Variants in ARHGAP26 observed in about 807,000 individuals in gnomAD.
The protein encoded by ARHGAP26 is rho GTPase-activating protein 26.
In ARHGAP26, 38 loss-of-function variants were observed where a neutral mutation model predicts 104.8. That is an observed-to-expected ratio of 0.36 (90% CI 0.28 to 0.48). ARHGAP26 has a LOEUF of 0.48. Among genes scored for constraint, ARHGAP26 ranks in the 20% least tolerant of loss-of-function variants. ARHGAP26 has a pLI of 0.99. For missense variants in ARHGAP26, 704 were observed against 947.9 expected (o/e 0.74, Z 3.38); for synonymous variants, 341 against 340.0 (o/e 1.00, Z -0.03).
intron 17 of ARHGAP26, among the ~76,000 whole-genome samples, chr5:143,097,447 TTAC>T (rs1792532195): frequency 6.6e-6 from 1 of 151,800 alleles, no homozygotes; most frequent in Non-Finnish European, 1.5e-5. Context: ...TCAGGTAACT[TTAC>T]CTAATTCTAT....
chr5:142,856,912 C>T (rs1305334237), intron 1 of ARHGAP26, among the ~76,000 whole-genome samples: 1 of 152,168 alleles, frequency 6.6e-6, no homozygotes, highest in East Asian at 1.9e-4. Flanking sequence ...AACTGGGTGG[C>T]ATAAAACAAC....
At chr5:142,982,038 A>G (rs1408057834) in intron 11 of ARHGAP26, among the ~76,000 whole-genome samples, 1 of 152,224 alleles carries the variant, frequency 6.6e-6, no homozygotes, top group East Asian at 1.9e-4. Flanking sequence ...CTGCTGCTGC[A>G]TGTAAGCTAG....
At chr5:143,198,408 C>T (rs1180115879) in intron 20 of ARHGAP26, among the ~76,000 whole-genome samples, 1 of 152,118 alleles carries the variant, frequency 6.6e-6, no homozygotes, top group African/African-American at 2.4e-5. Context: ...TCTGTTGTGC[C>T]TGAAATGCGG....
At chr5:143,183,717 C>G (rs763334501) in intron 20 of ARHGAP26, among the ~76,000 whole-genome samples, 1 of 152,174 alleles carries the variant, frequency 6.6e-6, no homozygotes, top group Non-Finnish European at 1.5e-5. Flanking sequence ...GAAGGCGTAC[C>G]AGGGGAATGG....
At chr5:142,811,232 C>T (rs1764010127) in intron 1 of ARHGAP26, among the ~76,000 whole-genome samples, 1 of 151,754 alleles carries the variant, frequency 6.6e-6, no homozygotes, top group African/African-American at 2.4e-5. Context: ...TTTTCCTGAT[C>T]ATCTATAGGC....
rs148573344 is a variant in ARHGAP26, at chr5:142,780,575, A to G, written c.154+9660A>G. On this transcript the variant is annotated intron_variant, in intron 1 of 22. Coordinates refer to ENST00000645722, the MANE Select transcript of ARHGAP26 (RefSeq NM_001135608.3). ...ATTTTCCCCTTTCCAGTTTGTGTGT[A>G]TTGTTAATTCTGGGATTAAAAGCCA... 2.6e-3 allele frequency among the ~76,000 whole-genome samples: 400 copies of G among 152,338 alleles called. 2 individuals carry two copies. The highest frequency in any genetic ancestry group is 9.3e-3 in the African/African-American group (385 of 41,582).
In ARHGAP26 at chr5:142,871,983, C is replaced by T. The variant is rs1359367884; in HGVS notation, c.155-1417C>T. On this transcript the variant is annotated intron_variant, in intron 1 of 22. Coordinates refer to ENST00000645722, the MANE Select transcript of ARHGAP26 (RefSeq NM_001135608.3). This position sits in a 1 kb window ranked among gnomAD's most constrained non-coding sequence, Gnocchi z 4.1. ...TCATCACAGCGTGTGGGAGGGCAGT[C>T]CAGGAGCAGGAGCTGCAGCTGCTGT... is the stretch of plus-strand genomic sequence containing the variant. 6.6e-6 allele frequency among the ~76,000 whole-genome samples: 1 copy of T among 152,180 alleles called. No individual in the cohort carries two copies. The highest frequency in any genetic ancestry group is 6.5e-5 in the Admixed American group (1 of 15,274).
chr5:142,778,855 A>G (rs1756892705), intron 1 of ARHGAP26, among the ~76,000 whole-genome samples: 1 of 152,128 alleles, frequency 6.6e-6, no homozygotes, highest in Non-Finnish European at 1.5e-5. Flanking sequence ...ATTGTTTCTG[A>G]AGCTTAATCT....
intron 11 of ARHGAP26, among the ~76,000 whole-genome samples, chr5:142,988,407 G>A (rs1306711142): frequency 2.0e-5 from 3 of 151,966 alleles, no homozygotes; most frequent in African/African-American, 7.2e-5. Flanking sequence ...CTTGCTAGTG[G>A]TCTATCAAGT....
At chr5:142,907,825 T>C (rs755342459) in intron 9 of ARHGAP26, 21 bp downstream of exon 9, 1 of 1,559,338 alleles carries the variant, frequency 6.4e-7, no homozygotes, top group Non-Finnish European at 8.8e-7. Context: ...TTTTAAAATT[T>C]GATGTTTGAT....
At chr5:142,847,451 G>A (rs1216492863) in intron 1 of ARHGAP26, among the ~76,000 whole-genome samples, 18 of 151,836 alleles carry the variant, frequency 1.2e-4, no homozygotes, top group African/African-American at 4.1e-4. Context: ...TCTGCCTCCC[G>A]GGTTCAAGCC....
At chr5:143,185,378 T>C (rs904652401) in intron 20 of ARHGAP26, among the ~76,000 whole-genome samples, 10 of 152,234 alleles carry the variant, frequency 6.6e-5, no homozygotes, top group Admixed American at 5.9e-4. Context: ...AGTCTTTTTA[T>C]AGCTAGAAAC....
chr5:142,898,706 C>A (rs1759848147), intron 6 of ARHGAP26, among the ~76,000 whole-genome samples: 1 of 152,198 alleles, frequency 6.6e-6, no homozygotes, highest in Non-Finnish European at 1.5e-5. Flanking sequence ...ATCTTCACTG[C>A]AACTCTGTGC....
chr5:143,197,800 G>T (rs1379638638), intron 20 of ARHGAP26, among the ~76,000 whole-genome samples: 4 of 152,150 alleles, frequency 2.6e-5, no homozygotes, highest in African/African-American at 9.7e-5. Flanking sequence ...GAACACATTT[G>T]TTATGTATGG....
chr5:143,209,623 A>G (rs1194892323), intron 21 of ARHGAP26, among the ~76,000 whole-genome samples: 1 of 152,114 alleles, frequency 6.6e-6, no homozygotes, highest in African/African-American at 2.4e-5. Context: ...TCTACTAAAA[A>G]TACAAAAATT....
intron 11 of ARHGAP26, among the ~76,000 whole-genome samples, chr5:142,974,408 C>T (rs766780384): frequency 9.2e-5 from 14 of 151,416 alleles, no homozygotes; most frequent in Non-Finnish European, 1.6e-4. Flanking sequence ...ATATGGAGCG[C>T]GAATGTTTGG....
chr5:142,994,191 G>C (rs1222125873), intron 11 of ARHGAP26, among the ~76,000 whole-genome samples: 2 of 152,212 alleles, frequency 1.3e-5, no homozygotes, highest in East Asian at 1.9e-4. Flanking sequence ...GGAGTTGAAG[G>C]CAGCTTCATA....
At chr5:142,867,505 T>C (rs187006838) in intron 1 of ARHGAP26, among the ~76,000 whole-genome samples, 2 of 152,216 alleles carry the variant, frequency 1.3e-5, no homozygotes, top group African/African-American at 2.4e-5. Flanking sequence ...CAGTTTCTGA[T>C]TGGATATGTT....
chr5:142,786,772 G>A (rs1051628348), intron 1 of ARHGAP26, among the ~76,000 whole-genome samples: 10 of 146,002 alleles, frequency 6.8e-5, no homozygotes, highest in South Asian at 6.7e-4. Context: ...TCAGCCTCCC[G>A]AGTAGCTGGG....
Sources: allele counts gnomAD v4.1 joint callset (sites outside exome capture counted in the v4.1 genomes callset), GRCh38; gene constraint gnomAD v4.1.1; non-coding constraint Gnocchi (gnomAD v3.1); transcripts MANE v1.5; gene names NCBI Gene and HGNC (gene_info 2026-07-23, HGNC 2026-07-21).